Variants in TLN2 observed in about 807,000 individuals in gnomAD.
TLN2 encodes the protein talin-2.
Under a neutral mutation model 294.7 loss-of-function variants are expected in TLN2, and 118 were observed. That is an observed-to-expected ratio of 0.40 (90% confidence interval 0.34 to 0.47). TLN2 has a LOEUF of 0.47. TLN2 is among the 20% of genes least tolerant of loss of function. The pLI is 0.84. For synonymous variants in TLN2, 1,431 were observed against 1,304.5 expected, an observed-to-expected ratio of 1.10 and a Z score of -2.09; for missense variants, 3,083 against 3,282.2, an observed-to-expected ratio of 0.94 and a Z score of 1.48.
At chr15:62,789,405 A>G (rs890865915) in intron 45 of TLN2, among the ~76,000 whole-genome samples, 1 of 152,094 alleles carries the variant, frequency 6.6e-6, no homozygotes, top group Non-Finnish European at 1.5e-5. Context: ...TCTGATGACC[A>G]CTGGGCCAGC....
chr15:62,461,431 G>A (rs2036799491), intron 1 of TLN2, among the ~76,000 whole-genome samples: 1 of 152,182 alleles, frequency 6.6e-6, no homozygotes, highest in Non-Finnish European at 1.5e-5. Context: ...TCTGTACGTA[G>A]GTATGTAGGC....
Position 62,805,639 on chromosome 15 carries a change from C to T in TLN2, c.6517C>T (p.Pro2173Ser). 6.2e-7 allele frequency: 1 copy of T among 1,613,486 alleles called. No individual in the cohort carries two copies. The highest frequency in any genetic ancestry group is 8.5e-7 in the Non-Finnish European group (1 of 1,179,628). ...AGACGTACCTGAAAAGACATCATCA[C>T]CTGAAGAATCCATAAGGATGACGAA... ...SKDVPEKTSS[P>S]EESIRMTKGI... The change falls in exon 51 of 59, where the codon CCT becomes TCT. Residue 2173 changes from proline to serine, a missense_variant. Physicochemically the swap from Pro to Ser is moderately conservative, Grantham distance 74 (BLOSUM62 -1). Coordinates refer to ENST00000636159, the MANE Select transcript of TLN2 (RefSeq NM_015059.3).
At chr15:62,763,762 T>G in intron 40 of TLN2, 67 bp downstream of exon 40, 1 of 1,481,710 alleles carries the variant, frequency 6.7e-7, no homozygotes, top group Non-Finnish European at 9.0e-7. Flanking sequence ...AGCATCAGAC[T>G]TGGAGGGGTA....
At chr15:62,664,501 G>A (rs1423740051) in intron 9 of TLN2, among the ~76,000 whole-genome samples, 3 of 152,014 alleles carry the variant, frequency 2.0e-5, no homozygotes, top group Non-Finnish European at 4.4e-5. Context: ...GAAACCGGAT[G>A]TATTATTCTT....
At chr15:62,561,061 A>G (rs1482849107) in intron 1 of TLN2, among the ~76,000 whole-genome samples, 1 of 152,256 alleles carries the variant, frequency 6.6e-6, no homozygotes, top group Non-Finnish European at 1.5e-5. Flanking sequence ...CCAAAACAAG[A>G]CGGAAGAAAG....
chr15:62,487,516 T>G (rs1308653664), intron 1 of TLN2, among the ~76,000 whole-genome samples: 1 of 152,180 alleles, frequency 6.6e-6, no homozygotes, highest in African/African-American at 2.4e-5. Flanking sequence ...CCCGCAGACC[T>G]ATTGTTCCCA....
chr15:62,679,795 C>G (rs769653471), intron 11 of TLN2, among the ~76,000 whole-genome samples: 4 of 152,218 alleles, frequency 2.6e-5, no homozygotes, highest in Non-Finnish European at 4.4e-5. Context: ...GACATTGATA[C>G]AATCCACAGA....
intron 1 of TLN2, among the ~76,000 whole-genome samples, chr15:62,414,166 A>C (rs1176975991): frequency 1.3e-5 from 1 of 79,314 alleles, no homozygotes; most frequent in Non-Finnish European, 2.8e-5. Context: ...AAAAAAAACT[A>C]TATATATATA....
At chr15:62,644,118 C>T (rs997170438) in intron 3 of TLN2, among the ~76,000 whole-genome samples, 1 of 152,074 alleles carries the variant, frequency 6.6e-6, no homozygotes, top group African/African-American at 2.4e-5. Flanking sequence ...TTCCATCTCT[C>T]TCCTGAACCT....
At chr15:62,627,508 G>A (rs1013583205) in intron 3 of TLN2, among the ~76,000 whole-genome samples, 1 of 152,150 alleles carries the variant, frequency 6.6e-6, no homozygotes, top group Non-Finnish European at 1.5e-5. Flanking sequence ...CTTGAAATAA[G>A]CAGAGATTCA....
At chr15:62,661,907 G>C (rs2053885470) in intron 9 of TLN2, among the ~76,000 whole-genome samples, 1 of 152,092 alleles carries the variant, frequency 6.6e-6, no homozygotes, top group African/African-American at 2.4e-5. Context: ...AATTTATCAG[G>C]ATACTAAATA....
intron 45 of TLN2, among the ~76,000 whole-genome samples, chr15:62,792,285 A>G (rs1437192015): frequency 1.3e-5 from 2 of 152,242 alleles, no homozygotes; most frequent in Admixed American, 6.5e-5. Flanking sequence ...GGGCTCAGTA[A>G]ATGCTTGTTG....
At chr15:62,625,506 G>A (rs1420195331) in intron 3 of TLN2, among the ~76,000 whole-genome samples, 1 of 152,152 alleles carries the variant, frequency 6.6e-6, no homozygotes, top group Non-Finnish European at 1.5e-5. Context: ...CCTCTGCTAC[G>A]AGATGGTCTT....
chr15:62,635,867 C>G (rs898890511), intron 3 of TLN2, among the ~76,000 whole-genome samples: 2 of 152,172 alleles, frequency 1.3e-5, no homozygotes. Context: ...ATCCCTGACA[C>G]AAGCACTGTA....
chr15:62,480,460 G>A (rs1047838357), intron 1 of TLN2, among the ~76,000 whole-genome samples: 4 of 152,134 alleles, frequency 2.6e-5, no homozygotes, highest in Admixed American at 2.6e-4. Flanking sequence ...CTGGCCTCAA[G>A]TGATAACAGC....
chr15:62,771,458 A>C (rs73439560), intron 42 of TLN2, among the ~76,000 whole-genome samples: 3,596 of 152,298 alleles, frequency 0.024, 152 homozygotes, highest in African/African-American at 0.083. Flanking sequence ...CAGCTTGCAC[A>C]GAGGAATGTT....
At position 62,800,715 on chromosome 15, in the gene TLN2, C is replaced by G; in HGVS notation, c.6423C>G (p.Thr2141=). 6.2e-7 allele frequency: 1 copy of G among 1,613,946 alleles called. No homozygotes were observed. The highest frequency in any genetic ancestry group is 8.5e-7 in the Non-Finnish European group (1 of 1,179,950). The change falls in exon 50 of 59, where the codon ACC becomes ACG. Residue 2141 remains threonine, a synonymous_variant. Transcript: ENST00000636159. ...KTVKAVEDEA[T]RGTRALEATI... Reference sequence around the variant, plus strand: ...TAAAGGCAGTGGAGGATGAGGCCACCCGGGGCACCAGGGCGCTTGAGGCCA... The same window carrying G: ...TAAAGGCAGTGGAGGATGAGGCCACGCGGGGCACCAGGGCGCTTGAGGCCA...
chr15:62,778,907 C>T (rs1416591713), intron 43 of TLN2, among the ~76,000 whole-genome samples: 6 of 152,238 alleles, frequency 3.9e-5, no homozygotes, highest in African/African-American at 1.4e-4. Context: ...TCCCTTTGCT[C>T]AGCATGTTGC....
At chr15:62,691,718 G>A (rs1372479734) in intron 12 of TLN2, among the ~76,000 whole-genome samples, 1 of 151,952 alleles carries the variant, frequency 6.6e-6, no homozygotes, top group Non-Finnish European at 1.5e-5. Context: ...CTCTCACTCT[G>A]TTGCCCAAGC....
Sources: gnomAD v4.1 joint callset for allele counts (sites outside exome capture counted in the v4.1 genomes callset) on GRCh38, gnomAD v4.1.1 for gene constraint, MANE v1.5 for transcripts, NCBI Gene and HGNC (gene_info 2026-07-23, HGNC 2026-07-21) for gene names.